IQGAP2: variants seen among roughly 807,000 people sequenced by gnomAD.
IQGAP2 encodes IQ motif containing GTPase activating protein 2.
In IQGAP2, 173 loss-of-function variants were observed where a neutral mutation model predicts 201.3. The observed-to-expected ratio is 0.86, with a 90% CI of 0.76 to 0.98. The LOEUF (loss-of-function observed/expected upper bound fraction) is 0.98, where lower values mean the gene tolerates loss of function less well. IQGAP2 is among the 50% of genes least tolerant of loss of function. The pLI is 0.00. For missense variants in IQGAP2, 1,687 were observed against 1,864.8 expected (o/e 0.90, Z 1.76); for synonymous variants, 675 against 673.9 (o/e 1.00, Z -0.03).
intron 1 of IQGAP2, among the ~76,000 whole-genome samples, chr5:76,429,134 A>G (rs1752185954): frequency 6.6e-6 from 1 of 151,974 alleles, no homozygotes. Flanking sequence ...TCTGAAATGA[A>G]AAGTGATTCC....
intron 32 of IQGAP2, 94 bp downstream of exon 32, chr5:76,695,760 T>C (rs2150545296): frequency 1.0e-6 from 1 of 958,246 alleles, no homozygotes; most frequent in Non-Finnish European, 1.6e-6. Flanking sequence ...GCATTAGGGA[T>C]TCATGGTTGC....
intron 2 of IQGAP2, among the ~76,000 whole-genome samples, chr5:76,551,219 G>C (rs896537903): frequency 1.6e-4 from 24 of 151,368 alleles, no homozygotes; most frequent in Admixed American, 1.2e-3. Flanking sequence ...GGTCGGGGCC[G>C]GGCAGAGGCA....
chr5:76,593,331 T>A (rs541394062), intron 9 of IQGAP2, among the ~76,000 whole-genome samples: 2 of 142,458 alleles, frequency 1.4e-5, no homozygotes, highest in East Asian at 4.4e-4. Flanking sequence ...TCTCTGTGAC[T>A]TCCCAGCCAT....
At position 76,707,318 on chromosome 5, in the gene IQGAP2, C is replaced by T. The variant is rs1747994834; in HGVS notation, c.*5C>T. On this transcript the variant is annotated 3_prime_UTR_variant, in exon 36 of 36. Transcript: ENST00000274364. ...AAGAAGTTCTATGGAAAGTGAAGTGCCTACAGAAATTTCTTGGATTCTGTA... is the reference window on the plus strand; with the variant it reads ...AAGAAGTTCTATGGAAAGTGAAGTGTCTACAGAAATTTCTTGGATTCTGTA... 1 of 1,267,424 alleles carries T rather than the reference C, an allele frequency of 7.9e-7. No individual in the cohort carries two copies. Among genetic ancestry groups the T allele is most frequent in the East Asian group, 2.3e-5 (1 of 43,284 alleles). 78.5% of individuals were successfully genotyped at this position (1,267,424 alleles called of 1,614,324 possible).
chr5:76,454,669 C>T (rs1394076967), intron 1 of IQGAP2, among the ~76,000 whole-genome samples: 4 of 145,316 alleles, frequency 2.8e-5, no homozygotes, highest in African/African-American at 7.8e-5. Context: ...ATATGTGCCA[C>T]ATTTTCTTAA....
intron 2 of IQGAP2, among the ~76,000 whole-genome samples, chr5:76,541,175 A>G (rs982885775): frequency 2.0e-5 from 3 of 152,110 alleles, no homozygotes; most frequent in Non-Finnish European, 4.4e-5. Flanking sequence ...CCCATTAAAA[A>G]TAATTCCCTA....
intron 2 of IQGAP2, among the ~76,000 whole-genome samples, chr5:76,546,310 C>T (rs1359805561): frequency 6.6e-6 from 1 of 152,064 alleles, no homozygotes; most frequent in Admixed American, 6.6e-5. Context: ...GTGGCGTGTG[C>T]CTGTAATCTC....
At chr5:76,648,910 G>A (rs1482635875) in intron 17 of IQGAP2, among the ~76,000 whole-genome samples, 1 of 152,200 alleles carries the variant, frequency 6.6e-6, no homozygotes, top group Non-Finnish European at 1.5e-5. Flanking sequence ...TCAGGGATCA[G>A]TGGGATTATA....
Position 76,695,590 on chromosome 5 carries a change from A to ATCT in IQGAP2, c.4133_4135dup (p.Leu1378dup). On this transcript the variant is annotated inframe_insertion, in exon 32 of 36. Coordinates refer to ENST00000274364, the MANE Select transcript of IQGAP2 (RefSeq NM_006633.5). Reference sequence around the variant, plus strand: ...CAGAAGAAGAGGAAAATCCAGAGGAATCTTCGGACGTTGGAACAGACTGGA... The same window carrying ATCT: ...CAGAAGAAGAGGAAAATCCAGAGGAATCTTCTTCGGACGTTGGAACAGACTGGA... 1 of 1,614,192 alleles carries ATCT rather than the reference A, an allele frequency of 6.2e-7. No homozygotes were observed. Among genetic ancestry groups the ATCT allele is most frequent in the Non-Finnish European group, 8.5e-7 (1 of 1,180,020 alleles).
In IQGAP2 at chr5:76,552,378, G is replaced by A. The variant is rs148818235; in HGVS notation, c.147-10018G>A. On this transcript the variant is annotated intron_variant, in intron 2 of 35. Coordinates refer to ENST00000274364, the MANE Select transcript of IQGAP2 (RefSeq NM_006633.5). ...CTCCAGAACACATTCTCATTTTTTT[G>A]CAATATGGATAAGCTGAGAATTTTC... 2.8e-3 allele frequency among the ~76,000 whole-genome samples: 433 copies of A among 152,202 alleles called. 3 individuals carry two copies. The highest frequency in any genetic ancestry group is 4.9e-3 in the Non-Finnish European group (330 of 68,000).
In IQGAP2 at chr5:76,575,572, G is replaced by T. The variant is rs192746554; in HGVS notation, c.382-121G>T. The T allele has an allele frequency of 9.5e-4, 494 of 518,176 alleles. 2 individuals are homozygous for T. Among genetic ancestry groups the T allele is most frequent in the African/African-American group, 8.8e-3 (440 of 50,058 alleles). The allele number at this position is 518,176 out of a possible 1,614,324, so 32.1% of individuals were successfully genotyped here. A position where few individuals can be genotyped will look rare whatever the true frequency, so the allele number is the denominator to read the frequency against. ...AGCAAGATGAAGCAATGGCAGAGAG[G>T]TTCCTCTATATTTAAATAATTATAG... On this transcript the variant is annotated intron_variant, in intron 4 of 35. Coordinates refer to ENST00000274364, the MANE Select transcript of IQGAP2 (RefSeq NM_006633.5).
At chr5:76,695,697 A>G (rs1461718945) in intron 32 of IQGAP2, 31 bp downstream of exon 32, 1 of 1,564,832 alleles carries the variant, frequency 6.4e-7, no homozygotes, top group Admixed American at 1.7e-5. Context: ...TTCTTCCTTC[A>G]CTTAGCAGAC....
intron 4 of IQGAP2, among the ~76,000 whole-genome samples, chr5:76,574,073 G>A (rs913135220): frequency 1.4e-4 from 21 of 152,016 alleles, no homozygotes; most frequent in African/African-American, 5.1e-4. Context: ...TCTTTTCTCA[G>A]CTTTTCTCAG....
intron 3 of IQGAP2, among the ~76,000 whole-genome samples, chr5:76,566,133 A>G (rs1214843134): frequency 6.6e-6 from 1 of 152,134 alleles, no homozygotes; most frequent in East Asian, 1.9e-4. Context: ...ATTGCATGTC[A>G]GGCACTATTC....
intron 2 of IQGAP2, among the ~76,000 whole-genome samples, chr5:76,485,555 G>C (rs1174077383): frequency 6.6e-6 from 1 of 152,184 alleles, no homozygotes; most frequent in Non-Finnish European, 1.5e-5. Context: ...GCATGGGTTA[G>C]TTCTTAAAGT....
intron 2 of IQGAP2, among the ~76,000 whole-genome samples, chr5:76,560,238 A>G (rs1561463710): frequency 6.6e-6 from 1 of 151,864 alleles, no homozygotes; most frequent in South Asian, 2.1e-4. Flanking sequence ...CTGCAGCCTC[A>G]AACTCCAGGG....
chr5:76,462,190 C>G (rs1053125608), intron 2 of IQGAP2, among the ~76,000 whole-genome samples: 3 of 152,170 alleles, frequency 2.0e-5, no homozygotes, highest in Admixed American at 6.5e-5. Flanking sequence ...AGAGGAGCAA[C>G]AATGACTTAA....
At chr5:76,601,070 C>T in intron 11 of IQGAP2, 98 bp downstream of exon 11, 3 of 1,155,106 alleles carry the variant, frequency 2.6e-6, no homozygotes, top group Non-Finnish European at 3.7e-6. Flanking sequence ...AATCCATATA[C>T]CATGCTCATG....
chr5:76,474,989 G>A (rs574919749), intron 2 of IQGAP2, among the ~76,000 whole-genome samples: 1 of 152,324 alleles, frequency 6.6e-6, no homozygotes, highest in Admixed American at 6.5e-5. Flanking sequence ...TGGGATTACA[G>A]GCATAAGCCA....
Sources: gnomAD v4.1 joint callset for allele counts (sites outside exome capture counted in the v4.1 genomes callset) on GRCh38, gnomAD v4.1.1 for gene constraint, MANE v1.5 for transcripts, NCBI Gene and HGNC (gene_info 2026-07-23, HGNC 2026-07-21) for gene names.